The following GREB1 variants were observed in gnomAD, a reference collection of about 807,000 sequenced individuals.
The protein encoded by GREB1 is growth regulating estrogen receptor binding 1.
GREB1 carries 106 observed loss-of-function variants against 200.7 expected under a neutral mutation model. The observed-to-expected ratio is 0.53, with a 90% CI of 0.45 to 0.62. GREB1 has a LOEUF of 0.62. Among genes scored for constraint, GREB1 ranks in the 20% least tolerant of loss-of-function variants. The probability of loss-of-function intolerance (pLI) is 0.00; values close to 1 mark genes in which losing one functional copy is unlikely to be tolerated. For synonymous variants in GREB1, 1,132 were observed against 1,092.4 expected, an observed-to-expected ratio of 1.04 and a Z score of -0.72; for missense variants, 2,243 against 2,556.8, an observed-to-expected ratio of 0.88 and a Z score of 2.65.
chr2:11,620,962 C>G lies in GREB1; in HGVS notation c.4102C>G (p.Arg1368Gly). 1 of 1,612,744 alleles carries G rather than the reference C, an allele frequency of 6.2e-7. No homozygotes were observed. Among genetic ancestry groups the G allele is most frequent in the Non-Finnish European group, 8.5e-7 (1 of 1,178,760 alleles). Reference protein sequence around the residue: ...FLSVLSRMLVRLTEVDVYDEE... With the variant: ...FLSVLSRMLVGLTEVDVYDEE... ...CAGTGTCCTGTCCAGGATGCTTGTT[C>G]GGCTCACAGAAGTGGATGTCTATGA... is the stretch of plus-strand genomic sequence containing the variant. Residue 1368 changes from arginine to glycine, a missense_variant, in exon 23 of 33, where the codon CGG (arginine) becomes GGG (glycine). Coordinates refer to ENST00000381486, the MANE Select transcript of GREB1 (RefSeq NM_014668.4).
intron 1 of GREB1, among the ~76,000 whole-genome samples, chr2:11,528,877 C>T (rs1357411820): frequency 6.6e-6 from 1 of 152,180 alleles, no homozygotes; most frequent in African/African-American, 2.4e-5. Context: ...ATTTTTTCAA[C>T]TAGCTTTGGC....
At chr2:11,494,766 T>G (rs1355468198) in intron 1 of GREB1, among the ~76,000 whole-genome samples, 1 of 152,226 alleles carries the variant, frequency 6.6e-6, no homozygotes, top group East Asian at 1.9e-4. Context: ...TTTCTTTATC[T>G]GTAAGATGGG....
intron 18 of GREB1, 109 bp downstream of exon 18, chr2:11,611,136 C>A: frequency 1.1e-6 from 1 of 895,658 alleles, no homozygotes; most frequent in Non-Finnish European, 1.7e-6. Flanking sequence ...GCCAACGTGG[C>A]TTCCCTAGAC....
intron 1 of GREB1, among the ~76,000 whole-genome samples, chr2:11,512,668 C>T (rs545403480): frequency 2.6e-5 from 4 of 152,260 alleles, no homozygotes; most frequent in African/African-American, 4.8e-5. Flanking sequence ...TACAGGAGCT[C>T]TTTGCTCAAA....
chr2:11,497,544 A>G (rs2148417802), intron 1 of GREB1, among the ~76,000 whole-genome samples: 1 of 152,340 alleles, frequency 6.6e-6, no homozygotes, highest in South Asian at 2.1e-4. Flanking sequence ...GTAAGAAACT[A>G]TAAAAGAGTT....
Position 11,610,827 on chromosome 2 carries a change from C to T in GREB1, c.2806C>T (p.Leu936Phe). 1.2e-6 allele frequency: 2 copies of T among 1,613,462 alleles called. No homozygotes were observed. Among genetic ancestry groups the T allele is most frequent in the Non-Finnish European group, 1.7e-6 (2 of 1,179,970 alleles). Residue 936 changes from leucine to phenylalanine, a missense_variant, in exon 18 of 33, where the codon CTC (leucine) becomes TTC (phenylalanine). Transcript: ENST00000381486. ...GACGCTGGAGATCACGCAGAACCTC[C>T]TCAACTCCCCGAAGCAGTGCCCCTG... ...VETLEITQNL[L>F]NSPKQCPCGH...
intron 17 of GREB1, among the ~76,000 whole-genome samples, chr2:11,608,973 C>A (rs1361182725): frequency 6.6e-6 from 1 of 152,188 alleles, no homozygotes; most frequent in African/African-American, 2.4e-5. Flanking sequence ...TGGCTTCCCT[C>A]TTCCTGAGTA....
Position 11,640,698 on chromosome 2 carries a change from TG to T in GREB1, c.*245del. 1 of 499,162 alleles carries T rather than the reference TG, an allele frequency of 2.0e-6. No homozygotes were observed. The highest frequency in any genetic ancestry group is 2.0e-5 in the African/African-American group (1 of 50,378). The allele number at this position is 499,162 out of a possible 1,614,324, so 30.9% of individuals were successfully genotyped here. A position where few individuals can be genotyped will look rare whatever the true frequency, so the allele number is the denominator to read the frequency against. ...TCTGGGCCAGCCCATTGCTCTGGGC[TG>T]TTTTAAAGCCCATTTCACGAGGAAC... On this transcript the variant is annotated 3_prime_UTR_variant, in exon 33 of 33. Coordinates refer to ENST00000381486, the MANE Select transcript of GREB1 (RefSeq NM_014668.4). This position sits in a 1 kb window ranked among gnomAD's most constrained non-coding sequence, Gnocchi z 4.6.
intron 1 of GREB1, among the ~76,000 whole-genome samples, chr2:11,512,844 C>A (rs756954773): frequency 6.6e-6 from 1 of 152,194 alleles, no homozygotes; most frequent in East Asian, 1.9e-4. Flanking sequence ...ACTTTTTACG[C>A]AGCTTAAGTA....
At chr2:11,560,858 A>C (rs1470775618) in intron 2 of GREB1, among the ~76,000 whole-genome samples, 2 of 152,202 alleles carry the variant, frequency 1.3e-5, no homozygotes, top group African/African-American at 4.8e-5. Flanking sequence ...CCAAATGTCT[A>C]ACTTACAAGA....
intron 1 of GREB1, among the ~76,000 whole-genome samples, chr2:11,513,006 G>C (rs903365533): frequency 6.6e-6 from 1 of 152,294 alleles, no homozygotes; most frequent in Middle Eastern, 3.4e-3. Context: ...CACACTGTCC[G>C]TCCGCCTGGG....
intron 1 of GREB1, among the ~76,000 whole-genome samples, chr2:11,495,796 G>GTTTTTT (rs71393887): frequency 3.6e-5 from 5 of 137,008 alleles, no homozygotes; most frequent in Admixed American, 2.2e-4. Context: ...AAGTCCCCCC[G>GTTTTTT]TTTTTTTTTT....
intron 21 of GREB1, among the ~76,000 whole-genome samples, chr2:11,617,371 G>A (rs1473863426): frequency 6.6e-6 from 1 of 152,220 alleles, no homozygotes; most frequent in Non-Finnish European, 1.5e-5. Flanking sequence ...TCCGCCAAAA[G>A]CATTCTGAGG....
intron 11 of GREB1, among the ~76,000 whole-genome samples, chr2:11,594,950 T>G (rs1681072804): frequency 1.3e-5 from 2 of 151,322 alleles, no homozygotes; most frequent in South Asian, 4.2e-4. Flanking sequence ...TGCCTCGGCC[T>G]CCCAAAGTGC....
At chr2:11,569,470 C>T (rs1278213219) in intron 4 of GREB1, among the ~76,000 whole-genome samples, 2 of 152,104 alleles carry the variant, frequency 1.3e-5, no homozygotes, top group Admixed American at 6.5e-5. Context: ...AGGAGCACAC[C>T]GGCTCCCAGT....
At chr2:11,494,850 G>T in intron 1 of GREB1, among the ~76,000 whole-genome samples, 1 of 152,172 alleles carries the variant, frequency 6.6e-6, no homozygotes, top group Admixed American at 6.5e-5. Context: ...TTAGACCATT[G>T]CCTCATACAT....
chr2:11,613,467 G>T (rs142346818), intron 19 of GREB1, among the ~76,000 whole-genome samples: 1 of 152,270 alleles, frequency 6.6e-6, no homozygotes, highest in African/African-American at 2.4e-5. Flanking sequence ...TATTTCAGTA[G>T]TCCCATTTTA....
intron 9 of GREB1, 104 bp downstream of exon 9, chr2:11,586,009 C>T: frequency 8.4e-7 from 1 of 1,196,180 alleles, no homozygotes; most frequent in Non-Finnish European, 1.2e-6. Flanking sequence ...CCAAGGGTAT[C>T]CTCCTGAGAC....
chr2:11,614,150 G>A (rs562553010), intron 19 of GREB1, among the ~76,000 whole-genome samples: 4 of 141,284 alleles, frequency 2.8e-5, no homozygotes, highest in Non-Finnish European at 6.1e-5. Flanking sequence ...TTTTTGAGAC[G>A]GAGTCTCACT....
Sources: gnomAD v4.1 joint callset for allele counts (sites outside exome capture counted in the v4.1 genomes callset) on GRCh38, gnomAD v4.1.1 for gene constraint, Gnocchi (gnomAD v3.1) non-coding constraint, MANE v1.5 for transcripts, NCBI Gene and HGNC (gene_info 2026-07-23, HGNC 2026-07-21) for gene names.